ENPP1: variants seen among roughly 807,000 people sequenced by gnomAD.
ENPP1 encodes ectonucleotide pyrophosphatase/phosphodiesterase 1, also known as ectonucleotide pyrophosphatase/phosphodiesterase family member 1.
In ENPP1, 73 loss-of-function variants were observed where a neutral mutation model predicts 122.8. The ratio of observed to expected loss-of-function variants is 0.59; its 90% CI spans 0.49 to 0.72. The LOEUF (loss-of-function observed/expected upper bound fraction) is 0.72, where lower values mean the gene tolerates loss of function less well. Ranked by LOEUF, ENPP1 falls within the 30% of genes least tolerant of loss-of-function variation. The probability of loss-of-function intolerance (pLI) is 0.00; values close to 1 mark genes in which losing one functional copy is unlikely to be tolerated. For synonymous variants in ENPP1, 367 were observed against 391.6 expected (o/e 0.94, Z 0.74); for missense variants, 978 against 1,128.1 (o/e 0.87, Z 1.91).
intron 1 of ENPP1, among the ~76,000 whole-genome samples, chr6:131,837,184 G>GTC (rs2114677248): frequency 6.6e-6 from 1 of 150,582 alleles, no homozygotes; most frequent in African/African-American, 2.4e-5. Context: ...GTGTGTGTGT[G>GTC]TGTGTGTGTG....
intron 1 of ENPP1, among the ~76,000 whole-genome samples, chr6:131,843,867 A>G (rs4141767): frequency 0.18 from 26,532 of 149,440 alleles, 3,518 homozygotes; most frequent in African/African-American, 0.37. Context: ...TTCCTTCCAC[A>G]CTCCCACCCA....
At chr6:131,869,568 C>A (rs1313465790) in intron 13 of ENPP1, 79 bp downstream of exon 13, 3 of 1,467,318 alleles carry the variant, frequency 2.0e-6, no homozygotes, top group African/African-American at 2.8e-5. Context: ...GTGGCTCATG[C>A]CTGTAATCGC....
chr6:131,830,524 ACT>A (rs1781598148), intron 1 of ENPP1, among the ~76,000 whole-genome samples: 2 of 152,344 alleles, frequency 1.3e-5, no homozygotes, highest in Admixed American at 6.5e-5. Context: ...ATGTGAAAGC[ACT>A]GTCTGCACAT....
intron 14 of ENPP1, among the ~76,000 whole-genome samples, chr6:131,872,679 T>C (rs1782176902): frequency 6.6e-6 from 1 of 152,144 alleles, no homozygotes; most frequent in African/African-American, 2.4e-5. Flanking sequence ...TTTGGAAGAT[T>C]TACCTTGTAC....
chr6:131,876,305 T>G (rs905937954), intron 17 of ENPP1, among the ~76,000 whole-genome samples: 2 of 151,962 alleles, frequency 1.3e-5, no homozygotes, highest in African/African-American at 4.9e-5. Flanking sequence ...TTAGGGAGAT[T>G]CTTGGTTTAC....
At chr6:131,848,833 C>A (rs1472516415) in intron 2 of ENPP1, among the ~76,000 whole-genome samples, 2 of 152,128 alleles carry the variant, frequency 1.3e-5, no homozygotes, top group Non-Finnish European at 2.9e-5. Context: ...TTCCCTGACC[C>A]CCACTCCAGG....
At chr6:131,859,381 T>A (rs1346201807) in intron 7 of ENPP1, among the ~76,000 whole-genome samples, 7 of 150,270 alleles carry the variant, frequency 4.7e-5, no homozygotes, top group Non-Finnish European at 7.4e-5. Flanking sequence ...TTTCAGAGGC[T>A]ACCTTTTTTT....
At chr6:131,859,207 CAAAT>C (rs1281501242) in intron 7 of ENPP1, among the ~76,000 whole-genome samples, 1 of 151,974 alleles carries the variant, frequency 6.6e-6, no homozygotes, top group Non-Finnish European at 1.5e-5. Context: ...TAATTTGAGT[CAAAT>C]AAAACAGTAG....
intron 1 of ENPP1, among the ~76,000 whole-genome samples, chr6:131,810,018 T>G (rs1781328286): frequency 6.6e-6 from 1 of 152,210 alleles, no homozygotes; most frequent in African/African-American, 2.4e-5. Flanking sequence ...GAAAGAATTC[T>G]TACTTCATAT....
rs562950750 is a variant in ENPP1 at position 131,877,373 on chromosome 6, T to G, written c.1893+212T>G. ...ATTTTCCACTCTATTTTTAATTCCT[T>G]GGAGCTGTGACTTGACTTGGGTGCA... is the stretch of plus-strand genomic sequence containing the variant. On this transcript the variant is annotated intron_variant, in intron 18 of 24. Transcript: ENST00000647893. 4.1e-4 allele frequency: 238 copies of G among 586,050 alleles called. 2 individuals carry two copies. In the East Asian group the frequency reaches 4.5e-3, roughly 11 times the overall value. 36.3% of individuals were successfully genotyped at this position (586,050 alleles called of 1,614,324 possible).
chr6:131,819,869 T>A (rs1781462239), intron 1 of ENPP1: 1 of 471,794 alleles, frequency 2.1e-6, no homozygotes, highest in South Asian at 1.9e-5. Flanking sequence ...TTCGACCAAT[T>A]CTCTGGGGAG....
intron 8 of ENPP1, among the ~76,000 whole-genome samples, chr6:131,861,210 G>C (rs968694782): frequency 6.6e-6 from 1 of 152,134 alleles, no homozygotes; most frequent in African/African-American, 2.4e-5. Flanking sequence ...TGAGGATTAT[G>C]TGAATTAATA....
intron 1 of ENPP1, among the ~76,000 whole-genome samples, chr6:131,842,342 C>A (rs1019050671): frequency 6.6e-6 from 1 of 152,130 alleles, no homozygotes; most frequent in Non-Finnish European, 1.5e-5. Flanking sequence ...AGCACCATGG[C>A]GTATATATGG....
At chr6:131,853,585 G>A (rs1446425302) in intron 5 of ENPP1, among the ~76,000 whole-genome samples, 1 of 152,166 alleles carries the variant, frequency 6.6e-6, no homozygotes, top group Non-Finnish European at 1.5e-5. Flanking sequence ...GTTCTACAGA[G>A]TCTCTCAGTG....
intron 1 of ENPP1, among the ~76,000 whole-genome samples, chr6:131,839,822 A>ATATATACAGTTATATACAGT (rs201442888): frequency 1.3e-5 from 2 of 152,114 alleles, no homozygotes; most frequent in Non-Finnish European, 2.9e-5. Context: ...ATATACAGCC[A>ATATATACAGTTATATACAGT]TATATACAGT....
chr6:131,869,846 A>T (rs1408763402), intron 13 of ENPP1, among the ~76,000 whole-genome samples: 11 of 132,992 alleles, frequency 8.3e-5, no homozygotes, highest in Non-Finnish European at 1.5e-5. Flanking sequence ...ACTGAGTGAG[A>T]CTTGGTCTAA....
rs183426570 is a variant in ENPP1 at position 131,826,867 on chromosome 6, A to G, written c.240+18592A>G. 350 of 370,646 alleles carry G rather than the reference A, an allele frequency of 9.4e-4. 1 individual carries two copies. Among genetic ancestry groups the G allele is most frequent in the Non-Finnish European group, 4.0e-4 (78 of 197,392 alleles). 23.0% of individuals were successfully genotyped at this position (370,646 alleles called of 1,614,324 possible). On this transcript the variant is annotated intron_variant, in intron 1 of 24. Coordinates refer to ENST00000647893, the MANE Select transcript of ENPP1 (RefSeq NM_006208.3). Reference sequence around the variant, plus strand: ...TGTGTGGGGCAGAAAAGTTTCTCACATAGGGGAAAGATAAGGTTCCTTCAG... The same window carrying G: ...TGTGTGGGGCAGAAAAGTTTCTCACGTAGGGGAAAGATAAGGTTCCTTCAG...
At chr6:131,864,445 C>G in intron 9 of ENPP1, 61 bp from the exon 10 acceptor site, 1 of 1,112,490 alleles carries the variant, frequency 9.0e-7, no homozygotes. Flanking sequence ...ATGAAAAAAA[C>G]TATATTTTAC....
intron 7 of ENPP1, among the ~76,000 whole-genome samples, chr6:131,859,306 A>G (rs541015438): frequency 1.3e-5 from 2 of 152,354 alleles, no homozygotes; most frequent in East Asian, 1.9e-4. Context: ...TCGCCAAAAA[A>G]GGAATTTGTT....
Sources: gnomAD v4.1 joint callset for allele counts (sites outside exome capture counted in the v4.1 genomes callset) on GRCh38, gnomAD v4.1.1 for gene constraint, MANE v1.5 for transcripts, NCBI Gene and HGNC (gene_info 2026-07-23, HGNC 2026-07-21) for gene names.